MAP3K4: variants seen among roughly 807,000 people sequenced by gnomAD.
MAP3K4 encodes the protein MAP three kinase 1.
In MAP3K4, 67 loss-of-function variants were observed where a neutral mutation model predicts 185.6. The ratio of observed to expected loss-of-function variants is 0.36; its 90% CI spans 0.30 to 0.44. The LOEUF is 0.44. Among genes scored for constraint, MAP3K4 ranks in the 20% least tolerant of loss-of-function variants. The probability of loss-of-function intolerance (pLI) is 1.00; values close to 1 mark genes in which losing one functional copy is unlikely to be tolerated. For missense variants in MAP3K4, 1,551 were observed against 1,995.1 expected (o/e 0.78, Z 4.24); for synonymous variants, 702 against 710.4 (o/e 0.99, Z 0.19).
rs1783852823 is a variant in MAP3K4 at position 161,048,606 on chromosome 6, T to C, written c.344-10T>C. ...TTATATAATGTTCTGTTTATTTTTT[T>C]TTTTAATAGAAAAAATGAATGCACC... On this transcript the variant is annotated splice_polypyrimidine_tract_variant and intron_variant, in intron 2 of 26. Transcript: ENST00000392142. This position sits in a 1 kb window ranked among gnomAD's most constrained non-coding sequence, Gnocchi z 4.7. The C allele has an allele frequency of 6.5e-6, 10 of 1,539,708 alleles. No individual in the cohort carries two copies. The highest frequency in any genetic ancestry group is 7.9e-6 in the Non-Finnish European group (9 of 1,145,318).
At chr6:161,035,721 TTCTTA>T (rs1435066487) in intron 2 of MAP3K4, among the ~76,000 whole-genome samples, 1 of 152,250 alleles carries the variant, frequency 6.6e-6, no homozygotes, top group African/African-American at 2.4e-5. Flanking sequence ...CTATAGAAGT[TTCTTA>T]TCTATGGTAG....
In MAP3K4 at chr6:161,108,787, A is replaced by G. The variant is rs755636374; in HGVS notation, c.4164A>G (p.Ala1388=). The G allele has an allele frequency of 6.2e-7, 1 of 1,614,062 alleles. No individual in the cohort carries two copies. The highest frequency in any genetic ancestry group is 1.3e-5 in the African/African-American group (1 of 74,924). ...ACCATAAGACTATCAAGGAAACTGC[A>G]GACGAATTGAAAATATTCGAAGGCA... ...PNDHKTIKET[A]DELKIFEGIK... is the part of the protein sequence containing the mutation. Residue 1388 remains alanine (A), a synonymous_variant, in exon 22 of 27, where the codon GCA becomes GCG. Transcript: ENST00000392142. This position sits in a 1 kb window ranked among gnomAD's most constrained non-coding sequence, Gnocchi z 5.7.
rs976532136 is a variant in MAP3K4 at position 161,114,586 on chromosome 6, G to A, written c.4627-537G>A. On this transcript the variant is annotated intron_variant, in intron 25 of 26. Coordinates refer to ENST00000392142, the MANE Select transcript of MAP3K4 (RefSeq NM_005922.4). This position sits in a 1 kb window ranked among gnomAD's most constrained non-coding sequence, Gnocchi z 4.3. ...TTGAAGAATACATATTGGCAATGAC[G>A]AAACAATAGTTTAGAAATTAGAATG... Among the ~76,000 whole-genome samples the A allele has an allele frequency of 1.3e-5, 2 of 152,164 alleles. No individual in the cohort carries two copies. The highest frequency in any genetic ancestry group is 6.5e-5 in the Admixed American group (1 of 15,276).
At chr6:161,057,242 G>A (rs1351990100) in intron 3 of MAP3K4, among the ~76,000 whole-genome samples, 4 of 152,106 alleles carry the variant, frequency 2.6e-5, no homozygotes, top group East Asian at 1.9e-4. Flanking sequence ...AGAGGTTGCC[G>A]TTTATATTCA....
At chr6:161,025,729 G>T (rs573758251) in intron 1 of MAP3K4, among the ~76,000 whole-genome samples, 2 of 152,296 alleles carry the variant, frequency 1.3e-5, no homozygotes, top group South Asian at 4.1e-4. Context: ...TCTTATTTGC[G>T]AGAAGAGTGG....
intron 2 of MAP3K4, among the ~76,000 whole-genome samples, chr6:161,047,257 A>C (rs1783773583): frequency 7.2e-6 from 1 of 139,424 alleles, no homozygotes; most frequent in South Asian, 2.5e-4. Context: ...CTTAGGAAAC[A>C]TAGTGGGATC....
In MAP3K4 at chr6:161,082,143, C is replaced by G. The variant is rs1159653361; in HGVS notation, c.2255+1105C>G. Reference sequence around the variant, plus strand: ...GTGGACAGTGAACTTGCTCTCCTCTCATAACTCCATCCGTCAGGCTGTGAT... The same window carrying G: ...GTGGACAGTGAACTTGCTCTCCTCTGATAACTCCATCCGTCAGGCTGTGAT... On this transcript the variant is annotated intron_variant, in intron 6 of 26. Transcript: ENST00000392142. The surrounding 1 kb of genome is among the most constrained non-coding windows in gnomAD (Gnocchi z 4.2). 6.6e-6 allele frequency among the ~76,000 whole-genome samples: 1 copy of G among 152,034 alleles called. No homozygotes were observed. The highest frequency in any genetic ancestry group is 6.6e-5 in the Admixed American group (1 of 15,246).
In MAP3K4 at chr6:161,091,593, T is replaced by G. The variant is rs1777315265; in HGVS notation, c.3135+53T>G. 1 of 1,530,554 alleles carries G rather than the reference T, an allele frequency of 6.5e-7. No homozygotes were observed. The highest frequency in any genetic ancestry group is 2.0e-5 in the Admixed American group (1 of 49,660). 94.8% of individuals were successfully genotyped at this position (1,530,554 alleles called of 1,614,324 possible). A position where few individuals can be genotyped will look rare whatever the true frequency, so the allele number is the denominator to read the frequency against. The stretch of plus-strand genomic sequence containing the variant: ...TACAATTTAGTAATTGCTTGATAAC[T>G]TACAGAAAGTTTTTGGAACCTTTTA... On this transcript the variant is annotated intron_variant, in intron 12 of 26. Coordinates refer to ENST00000392142, the MANE Select transcript of MAP3K4 (RefSeq NM_005922.4). This position sits in a 1 kb window ranked among gnomAD's most constrained non-coding sequence, Gnocchi z 5.5.
chr6:161,010,348 T>C (rs1247566483), intron 1 of MAP3K4, among the ~76,000 whole-genome samples: 3 of 152,240 alleles, frequency 2.0e-5, no homozygotes, highest in African/African-American at 4.8e-5. Flanking sequence ...TTTTTAAAAG[T>C]ATTTCTTAAA....
At chr6:161,027,095 C>T (rs568230398) in intron 1 of MAP3K4, among the ~76,000 whole-genome samples, 1 of 152,268 alleles carries the variant, frequency 6.6e-6, no homozygotes, top group South Asian at 2.1e-4. Context: ...GCCTCATCCA[C>T]TTACCTACTT....
At chr6:161,038,837 A>G (rs1242409825) in intron 2 of MAP3K4, among the ~76,000 whole-genome samples, 1 of 152,184 alleles carries the variant, frequency 6.6e-6, no homozygotes, top group African/African-American at 2.4e-5. Flanking sequence ...TCAAACATCC[A>G]CGATGGCTCC....
chr6:161,018,760 G>C (rs1344959036), intron 1 of MAP3K4, among the ~76,000 whole-genome samples: 1 of 152,184 alleles, frequency 6.6e-6, no homozygotes, highest in Non-Finnish European at 1.5e-5. Context: ...AAGTGTAACA[G>C]ATGATGGAAG....
chr6:161,015,960 C>T (rs189955243), intron 1 of MAP3K4, among the ~76,000 whole-genome samples: 2 of 152,284 alleles, frequency 1.3e-5, no homozygotes, highest in Admixed American at 1.3e-4. Context: ...AGTTGATGGA[C>T]ACTGGATTGT....
intron 15 of MAP3K4, among the ~76,000 whole-genome samples, chr6:161,094,215 T>A (rs1450954645): frequency 5.3e-5 from 8 of 152,332 alleles, no homozygotes; most frequent in African/African-American, 1.9e-4. Context: ...CTGCTGCAGG[T>A]GGCTGCAGAT....
Position 161,034,247 on chromosome 6 carries a change from T to A in MAP3K4, c.153-12T>A, listed in dbSNP as rs776403908. 1 of 1,604,614 alleles carries A rather than the reference T, an allele frequency of 6.2e-7. No individual in the cohort carries two copies. The stretch of plus-strand genomic sequence containing the variant: ...GTTGCTGAATATTTTCCCTGCACAC[T>A]GTCTTTCATAGGCAAGAGGGCACAT... On this transcript the variant is annotated splice_polypyrimidine_tract_variant and intron_variant, in intron 1 of 26. Transcript: ENST00000392142. This position sits in a 1 kb window ranked among gnomAD's most constrained non-coding sequence, Gnocchi z 4.4.
In MAP3K4 at chr6:161,034,890, G is replaced by A. The variant is rs1464979526; in HGVS notation, c.343+441G>A. ...CCTCTGCTCTCTGCTGGTGCCCCGG[G>A]GTGCTATCTTTAGTGTGTAGGGCTC... On this transcript the variant is annotated intron_variant, in intron 2 of 26. Coordinates refer to ENST00000392142, the MANE Select transcript of MAP3K4 (RefSeq NM_005922.4). This position sits in a 1 kb window ranked among gnomAD's most constrained non-coding sequence, Gnocchi z 4.4. 6.6e-6 allele frequency among the ~76,000 whole-genome samples: 1 copy of A among 152,046 alleles called. No homozygotes were observed. The highest frequency in any genetic ancestry group is 1.5e-5 in the Non-Finnish European group (1 of 68,010).
At position 161,108,126 on chromosome 6, in the gene MAP3K4, A is replaced by G. The variant is rs1198752067; in HGVS notation, c.4119+157A>G. Among the ~76,000 whole-genome samples the G allele has an allele frequency of 1.3e-5, 2 of 152,214 alleles. No individual in the cohort carries two copies. Among genetic ancestry groups the G allele is most frequent in the African/African-American group, 2.4e-5 (1 of 41,462 alleles). On this transcript the variant is annotated intron_variant, in intron 21 of 26. Coordinates refer to ENST00000392142, the MANE Select transcript of MAP3K4 (RefSeq NM_005922.4). The surrounding 1 kb of genome is among the most constrained non-coding windows in gnomAD (Gnocchi z 5.7). ...ACCAACCAGGCAGATGCACTGAGAT[A>G]ACACACACAGACAGTGAAGGGGCTT...
Position 161,062,191 on chromosome 6 carries a change from A to G in MAP3K4, c.1708-8417A>G, listed in dbSNP as rs1462788841. 2.0e-5 allele frequency among the ~76,000 whole-genome samples: 3 copies of G among 152,288 alleles called. No individual in the cohort carries two copies. In the East Asian group the frequency reaches 5.8e-4, roughly 29 times the overall value. On this transcript the variant is annotated intron_variant, in intron 3 of 26. Transcript: ENST00000392142. ...ATCTGCTTGTTCCCAACTTTGAGCT[A>G]TATTGGAATTATCCTTTTATTTCTA...
Position 161,067,267 on chromosome 6 carries a change from C to T in MAP3K4, c.1708-3341C>T, listed in dbSNP as rs775033408. On this transcript the variant is annotated intron_variant, in intron 3 of 26. Coordinates refer to ENST00000392142, the MANE Select transcript of MAP3K4 (RefSeq NM_005922.4). The surrounding 1 kb of genome is among the most constrained non-coding windows in gnomAD (Gnocchi z 6.3). ...TTCCATCCAGAAAGACAGGACAACT[C>T]GAAGCAGGGATGGGGCTTGCAGGTC... 6 of 441,802 alleles carry T rather than the reference C, an allele frequency of 1.4e-5. No individual in the cohort carries two copies. Among genetic ancestry groups the T allele is most frequent in the South Asian group, 4.8e-5 (3 of 61,876 alleles). 27.4% of individuals were successfully genotyped at this position (441,802 alleles called of 1,614,324 possible). A position where few individuals can be genotyped will look rare whatever the true frequency, so the allele number is the denominator to read the frequency against.
Sources: allele counts gnomAD v4.1 joint callset (sites outside exome capture counted in the v4.1 genomes callset), GRCh38; gene constraint gnomAD v4.1.1; non-coding constraint Gnocchi (gnomAD v3.1); transcripts MANE v1.5; gene names NCBI Gene and HGNC (gene_info 2026-07-23, HGNC 2026-07-21).